The following PTK2 variants were observed in gnomAD, a reference collection of about 807,000 sequenced individuals.
PTK2 encodes protein tyrosine kinase 2.
Under a neutral mutation model 150.1 loss-of-function variants are expected in PTK2, and 45 were observed. The ratio of observed to expected loss-of-function variants is 0.30; its 90% CI spans 0.24 to 0.38. The LOEUF (loss-of-function observed/expected upper bound fraction) is 0.38, where lower values mean the gene tolerates loss of function less well. Ranked by LOEUF, PTK2 falls within the 10% of genes least tolerant of loss-of-function variation. The pLI is 1.00. For missense variants in PTK2, 919 were observed against 1,307.3 expected (o/e 0.70, Z 4.58); for synonymous variants, 432 against 449.2 (o/e 0.96, Z 0.48).
At chr8:140,684,544 T>C (rs945178450) in intron 27 of PTK2, among the ~76,000 whole-genome samples, 5 of 152,142 alleles carry the variant, frequency 3.3e-5, no homozygotes, top group African/African-American at 9.7e-5. Flanking sequence ...TGTACAAAAA[T>C]CAGTAGCATT....
At chr8:140,948,737 G>A (rs1373359674) in intron 1 of PTK2, 1 of 151,980 alleles carries the variant, frequency 6.6e-6, no homozygotes, top group Non-Finnish European at 1.5e-5. Context: ...AAATATTTGA[G>A]GAAAAAAATG....
chr8:140,746,021 GA>G (rs1174094820), intron 18 of PTK2, among the ~76,000 whole-genome samples: 2 of 150,812 alleles, frequency 1.3e-5, no homozygotes, highest in East Asian at 2.0e-4. Flanking sequence ...AAAGAAAAAA[GA>G]AAAAAGAAAC....
intron 1 of PTK2, among the ~76,000 whole-genome samples, chr8:140,948,414 G>C (rs999070348): frequency 6.6e-6 from 1 of 151,952 alleles, no homozygotes; most frequent in Non-Finnish European, 1.5e-5. Flanking sequence ...CAATATTTAG[G>C]GCAATACTAT....
Position 140,659,224 on chromosome 8 carries a change from C to A in PTK2, c.*242G>T. On this transcript the variant is annotated 3_prime_UTR_variant, in exon 32 of 32. Transcript: ENST00000522684. Reference sequence around the variant, plus strand: ...CATATAATTTTCATTCTTAGAAAAACGCCACATTTTGGATCCTGGATTTTT... The same window carrying A: ...CATATAATTTTCATTCTTAGAAAAAAGCCACATTTTGGATCCTGGATTTTT... 3 of 509,452 alleles carry A rather than the reference C, an allele frequency of 5.9e-6. No individual in the cohort carries two copies. The highest frequency in any genetic ancestry group is 5.5e-5 in the South Asian group (2 of 36,198). 31.6% of individuals were successfully genotyped at this position (509,452 alleles called of 1,614,324 possible).
chr8:140,864,391 A>C, exon 5 of PTK2: 1 of 1,559,974 alleles, frequency 6.4e-7, no homozygotes, highest in Non-Finnish European at 8.8e-7. Flanking sequence ...ACGAATTCTC[A>C]ATTCATATCT....
intron 5 of PTK2, among the ~76,000 whole-genome samples, chr8:140,853,312 G>A (rs572234959): frequency 8.7e-5 from 13 of 149,952 alleles, no homozygotes; most frequent in South Asian, 6.4e-4. Context: ...TTTACATTAC[G>A]TATATATCCT....
intron 7 of PTK2, among the ~76,000 whole-genome samples, chr8:140,845,557 C>T (rs7815191): frequency 9.2e-5 from 14 of 152,000 alleles, no homozygotes; most frequent in Admixed American, 2.6e-4. Context: ...CCTGTAAACA[C>T]CCAGCTGATA....
At chr8:140,995,499 G>GA (rs529828693) in intron 1 of PTK2, among the ~76,000 whole-genome samples, 152 of 152,100 alleles carry the variant, frequency 1.0e-3, no homozygotes, top group African/African-American at 3.4e-3. Context: ...CGCTTAGTGA[G>GA]AAAAAACGTC....
intron 3 of PTK2, among the ~76,000 whole-genome samples, chr8:140,885,485 C>A (rs2100151918): frequency 1.3e-5 from 2 of 152,042 alleles, no homozygotes; most frequent in African/African-American, 4.8e-5. Flanking sequence ...AATGAGCAAA[C>A]AAATCAAGTA....
Position 140,752,326 on chromosome 8 carries a change from G to C in PTK2, c.1333-10C>G, listed in dbSNP as rs1428259025. On this transcript the variant is annotated splice_polypyrimidine_tract_variant and intron_variant, in intron 16 of 31. Coordinates refer to ENST00000522684, the Ensembl canonical transcript of PTK2. ...CCAAAGCTGGATTCTCCTGTGTTAG[G>C]GAAATTATAGAATCACACACACATG... The C allele has an allele frequency of 2.5e-6, 4 of 1,610,736 alleles. No individual in the cohort carries two copies. The highest frequency in any genetic ancestry group is 3.4e-6 in the Non-Finnish European group (4 of 1,177,310).
Position 140,974,995 on chromosome 8 carries a change from G to A in PTK2, c.-122+26130C>T, listed in dbSNP as rs911023687. On this transcript the variant is annotated intron_variant, in intron 1 of 31. Coordinates refer to ENST00000522684, the Ensembl canonical transcript of PTK2. Reference sequence around the variant, plus strand: ...CCATTTCACTTACTTAGTCACGCCTGTAGATGAACTCAGAAACAGGCTTCA... The same window carrying A: ...CCATTTCACTTACTTAGTCACGCCTATAGATGAACTCAGAAACAGGCTTCA... Among the ~76,000 whole-genome samples, 6 of 152,192 alleles carry A rather than the reference G, an allele frequency of 3.9e-5. No individual in the cohort carries two copies. The East Asian group carries it at 1.2e-3, about 29-fold the overall frequency.
intron 1 of PTK2, among the ~76,000 whole-genome samples, chr8:140,927,940 GAAA>G (rs779534564): frequency 1.4e-4 from 5 of 36,284 alleles, no homozygotes; most frequent in African/African-American, 5.6e-4. Context: ...ATCTCAAAAA[GAAA>G]AAAAAAAAAA....
chr8:141,001,239 C>CCGGCGGCGGCGGCGG (rs559713729), upstream of PTK2: 1 of 148,208 alleles, frequency 6.7e-6, no homozygotes, highest in African/African-American at 2.4e-5. Flanking sequence ...TGGTCCGGGA[C>CCGGCGGCGGCGGCGG]CGGCGGCGGC....
intron 1 of PTK2, among the ~76,000 whole-genome samples, chr8:140,954,371 T>C (rs2100180529): frequency 2.0e-5 from 3 of 152,152 alleles, no homozygotes; most frequent in Admixed American, 2.0e-4. Flanking sequence ...TGTCCGGCCG[T>C]AACTTAGTAT....
chr8:140,776,415 A>G (rs1366785651), intron 14 of PTK2, among the ~76,000 whole-genome samples: 1 of 152,238 alleles, frequency 6.6e-6, no homozygotes, highest in Non-Finnish European at 1.5e-5. Context: ...CCTATATAGG[A>G]CAACTTCAAT....
chr8:140,889,312 C>G (rs1015843287), intron 3 of PTK2, among the ~76,000 whole-genome samples: 1 of 152,150 alleles, frequency 6.6e-6, no homozygotes, highest in African/African-American at 2.4e-5. Flanking sequence ...TCACTGCAAC[C>G]TCTGCCTCCT....
At chr8:140,797,533 T>C (rs1274745890) in intron 12 of PTK2, among the ~76,000 whole-genome samples, 2 of 152,220 alleles carry the variant, frequency 1.3e-5, no homozygotes, top group Non-Finnish European at 2.9e-5. Flanking sequence ...ACTCCCTCCC[T>C]TGAAATGCAC....
At chr8:140,717,115 C>A (rs2100040118) in intron 23 of PTK2, among the ~76,000 whole-genome samples, 1 of 152,194 alleles carries the variant, frequency 6.6e-6, no homozygotes, top group African/African-American at 2.4e-5. Context: ...TCTTTCCCAA[C>A]AAACAACCCA....
rs925319326 is a variant in PTK2 at position 140,702,439 on chromosome 8, A to C, written c.2367+131T>G. On this transcript the variant is annotated intron_variant, in intron 25 of 31. Coordinates refer to ENST00000522684, the Ensembl canonical transcript of PTK2. The stretch of plus-strand genomic sequence containing the variant: ...TCGCTATGTTGCCCAGTCTGGTTTC[A>C]AACTCTGGGGCTCAAGCAATCCTCC... 4 of 1,221,844 alleles carry C rather than the reference A, an allele frequency of 3.3e-6. No homozygotes were observed. The African/African-American group carries it at 6.1e-5, about 19-fold the overall frequency. The allele number at this position is 1,221,844 out of a possible 1,614,324, so 75.7% of individuals were successfully genotyped here.
Sources: gnomAD v4.1 joint callset for allele counts (sites outside exome capture counted in the v4.1 genomes callset) on GRCh38, gnomAD v4.1.1 for gene constraint, MANE v1.5 for transcripts, NCBI Gene and HGNC (gene_info 2026-07-23, HGNC 2026-07-21) for gene names.